LRRC3B: variants seen among roughly 807,000 people sequenced by gnomAD.
LRRC3B encodes the protein leucine-rich repeat-containing protein 3B.
Under a neutral mutation model 12.8 loss-of-function variants are expected in LRRC3B, and 2 were observed. The ratio of observed to expected loss-of-function variants is 0.16; its 90% CI spans 0.06 to 0.49. LRRC3B has a LOEUF of 0.49. LRRC3B is among the 20% of genes least tolerant of loss of function. The pLI, the probability that LRRC3B is intolerant of heterozygous loss-of-function variation, is 0.96. For synonymous variants in LRRC3B, 132 were observed against 122.0 expected (o/e 1.08, Z -0.54); for missense variants, 189 against 319.4 (o/e 0.59, Z 3.11).
chr3:26,676,434 A>G (rs983805444), intron 1 of LRRC3B, among the ~76,000 whole-genome samples: 1 of 152,154 alleles, frequency 6.6e-6, no homozygotes, highest in African/African-American at 2.4e-5. Flanking sequence ...TTATGGCTGC[A>G]TAGTATTCCA....
intron 1 of LRRC3B, among the ~76,000 whole-genome samples, chr3:26,660,216 A>T (rs893452909): frequency 3.3e-5 from 5 of 152,190 alleles, no homozygotes; most frequent in African/African-American, 1.2e-4. Context: ...TGGTTCCCGG[A>T]TGCAGGTAGT....
chr3:26,661,503 A>G (rs774910296), intron 1 of LRRC3B, among the ~76,000 whole-genome samples: 11 of 152,152 alleles, frequency 7.2e-5, no homozygotes, highest in Non-Finnish European at 1.3e-4. Context: ...GGGTAATTGT[A>G]TATCTTCCCT....
At chr3:26,648,496 CT>C (rs1170267224) in intron 1 of LRRC3B, among the ~76,000 whole-genome samples, 2 of 152,016 alleles carry the variant, frequency 1.3e-5, no homozygotes, top group Non-Finnish European at 1.5e-5. Flanking sequence ...AAACAAAATC[CT>C]GAACCTGGTA....
At chr3:26,634,098 T>A (rs1698814844) in intron 1 of LRRC3B, among the ~76,000 whole-genome samples, 1 of 152,226 alleles carries the variant, frequency 6.6e-6, no homozygotes, top group Non-Finnish European at 1.5e-5. Flanking sequence ...GATGATAAGC[T>A]CTGCAATTGA....
chr3:26,679,574 G>C (rs1321510852), intron 1 of LRRC3B, among the ~76,000 whole-genome samples: 2 of 152,166 alleles, frequency 1.3e-5, no homozygotes, highest in Non-Finnish European at 2.9e-5. Context: ...ACCTCCCTGG[G>C]GAGGCTTCTA....
At chr3:26,686,228 C>T (rs527887558) in intron 1 of LRRC3B, among the ~76,000 whole-genome samples, 23 of 152,080 alleles carry the variant, frequency 1.5e-4, no homozygotes, top group Admixed American at 6.5e-4. Flanking sequence ...TACAGGTGCC[C>T]GCCACCACGC....
chr3:26,639,443 C>T (rs1354835956), intron 1 of LRRC3B, among the ~76,000 whole-genome samples: 1 of 142,268 alleles, frequency 7.0e-6, no homozygotes, highest in African/African-American at 2.8e-5. Flanking sequence ...TTGTTTCAAA[C>T]ATACTTAAAC....
At chr3:26,683,619 G>T (rs889518246) in intron 1 of LRRC3B, among the ~76,000 whole-genome samples, 1 of 152,182 alleles carries the variant, frequency 6.6e-6, no homozygotes, top group African/African-American at 2.4e-5. Flanking sequence ...TGGCTGGGTG[G>T]AACCATACAT....
intron 1 of LRRC3B, among the ~76,000 whole-genome samples, chr3:26,678,175 G>A (rs760838685): frequency 1.3e-5 from 2 of 152,014 alleles, no homozygotes; most frequent in Non-Finnish European, 2.9e-5. Flanking sequence ...AGGCTTTCTT[G>A]TGAGATTTAT....
Position 26,696,334 on chromosome 3 carries a change from T to G in LRRC3B, c.-160-13179T>G, listed in dbSNP as rs1700316423. On this transcript the variant is annotated intron_variant, in intron 1 of 1. Coordinates refer to ENST00000396641, the Ensembl canonical transcript of LRRC3B. ...TATGCATTTTTTTATTTTTTAAAGT[T>G]CAAATGTTTTTTAGCGCTATTTGTA... 2.0e-5 allele frequency among the ~76,000 whole-genome samples: 3 copies of G among 152,242 alleles called. No homozygotes were observed. In the South Asian group the frequency reaches 6.2e-4, roughly 31 times the overall value.
At position 26,636,916 on chromosome 3, in the gene LRRC3B, CTCTTTCTTTCTTTCTTTCTTTCTTTCTT is replaced by C. The variant is rs559017147; in HGVS notation, c.-161+13711_-161+13738del. Among the ~76,000 whole-genome samples the C allele has an allele frequency of 2.0e-3, 139 of 71,100 alleles. 8 individuals carry two copies. The highest frequency in any genetic ancestry group is 9.3e-3 in the African/African-American group (133 of 14,278). The allele number at this position is 71,100 out of a possible 152,430, so 46.6% of individuals were successfully genotyped here. A position where few individuals can be genotyped will look rare whatever the true frequency, so the allele number is the denominator to read the frequency against. On this transcript the variant is annotated intron_variant, in intron 1 of 1. Coordinates refer to ENST00000396641, the Ensembl canonical transcript of LRRC3B. ...TCTCTCTCTCTCTTTCTCTCTTTCT[CTCTTTCTTTCTTTCTTTCTTTCTTTCTT>C]TCTTTCTTTCTTTCTTTCTTTCTTT...
In LRRC3B at chr3:26,671,413, G is replaced by GAGAGAGAGAGAGAGAGAGAGAGAC. The variant is rs9331540; in HGVS notation, c.-160-38099_-160-38098insGAGAGAGAGAGAGAGAGAGAGACA. 1.4e-3 allele frequency among the ~76,000 whole-genome samples: 141 copies of GAGAGAGAGAGAGAGAGAGAGAGAC among 99,336 alleles called. 11 individuals carry two copies. Among genetic ancestry groups the GAGAGAGAGAGAGAGAGAGAGAGAC allele is most frequent in the East Asian group, 2.7e-3 (7 of 2,628 alleles). 65.2% of individuals were successfully genotyped at this position (99,336 alleles called of 152,430 possible). A position where few individuals can be genotyped will look rare whatever the true frequency, so the allele number is the denominator to read the frequency against. ...AGAGAGAGAGAGAGAGAGAGAGAGA[G>GAGAGAGAGAGAGAGAGAGAGAGAC]ACGAAGTCTTGCTCTGTCGCCAGGC... On this transcript the variant is annotated intron_variant, in intron 1 of 1. Transcript: ENST00000396641.
chr3:26,648,266 GT>G (rs941062371), intron 1 of LRRC3B, among the ~76,000 whole-genome samples: 2 of 151,642 alleles, frequency 1.3e-5, no homozygotes, highest in Admixed American at 6.6e-5. Context: ...AGAAAGATGT[GT>G]TTTTTTTAGA....
intron 1 of LRRC3B, chr3:26,701,205 T>A (rs1353897709): frequency 6.6e-6 from 1 of 152,170 alleles, no homozygotes; most frequent in Non-Finnish European, 1.5e-5. Flanking sequence ...TTAACTGTTC[T>A]CCCCTTCCCT....
At chr3:26,698,539 G>GACTT (rs1262723007) in intron 1 of LRRC3B, among the ~76,000 whole-genome samples, 2 of 151,968 alleles carry the variant, frequency 1.3e-5, no homozygotes, top group East Asian at 3.9e-4. Context: ...ACCAAAAAAG[G>GACTT]ACTTATCTTC....
At chr3:26,657,074 T>C (rs1406502561) in intron 1 of LRRC3B, among the ~76,000 whole-genome samples, 2 of 152,206 alleles carry the variant, frequency 1.3e-5, no homozygotes, top group Non-Finnish European at 2.9e-5. Flanking sequence ...TAGCATATGA[T>C]ACAGTTTTTA....
intron 1 of LRRC3B, among the ~76,000 whole-genome samples, chr3:26,707,257 C>T (rs527672239): frequency 4.0e-5 from 6 of 150,976 alleles, no homozygotes; most frequent in East Asian, 3.9e-4. Context: ...TCCAGATACT[C>T]GGGAGGCTGG....
At chr3:26,679,470 C>T (rs189349440) in intron 1 of LRRC3B, among the ~76,000 whole-genome samples, 12 of 152,312 alleles carry the variant, frequency 7.9e-5, no homozygotes, top group African/African-American at 2.6e-4. Context: ...AGCTCAGGGT[C>T]TTGGTACATG....
intron 1 of LRRC3B, among the ~76,000 whole-genome samples, chr3:26,660,756 G>A (rs1028329945): frequency 6.6e-6 from 1 of 152,170 alleles, no homozygotes; most frequent in Non-Finnish European, 1.5e-5. Flanking sequence ...GGTCAAAGAT[G>A]TAGACCTTGA....
Sources: allele counts gnomAD v4.1 joint callset (sites outside exome capture counted in the v4.1 genomes callset), GRCh38; gene constraint gnomAD v4.1.1; transcripts MANE v1.5; gene names NCBI Gene and HGNC (gene_info 2026-07-23, HGNC 2026-07-21).